PSTPIP2: variants seen among roughly 807,000 people sequenced by gnomAD.
The protein encoded by PSTPIP2 is proline-serine-threonine phosphatase interacting protein 2.
In PSTPIP2, 33 loss-of-function variants were observed where a neutral mutation model predicts 63.3. The observed-to-expected ratio is 0.52, with a 90% confidence interval of 0.40 to 0.70. The LOEUF is 0.70. Among genes scored for constraint, PSTPIP2 ranks in the 30% least tolerant of loss-of-function variants. The pLI, the probability that PSTPIP2 is intolerant of heterozygous loss-of-function variation, is 0.00. For synonymous variants in PSTPIP2, 125 were observed against 132.7 expected (o/e 0.94, Z 0.40); for missense variants, 312 against 400.7 (o/e 0.78, Z 1.89).
chr18:46,012,789 GT>G (rs1441701867), intron 4 of PSTPIP2, among the ~76,000 whole-genome samples: 1 of 152,072 alleles, frequency 6.6e-6, no homozygotes, highest in African/African-American at 2.4e-5. Flanking sequence ...GAGAGAGAGA[GT>G]TGTAAATGCA....
chr18:46,018,976 C>T (rs534535060), intron 3 of PSTPIP2, among the ~76,000 whole-genome samples: 11 of 152,134 alleles, frequency 7.2e-5, no homozygotes, highest in Non-Finnish European at 1.2e-4. Flanking sequence ...ACTCATTTTT[C>T]ATTCCTTCTC....
At chr18:46,072,043 C>A in intron 1 of PSTPIP2, 113 bp downstream of exon 1, 2 of 1,307,516 alleles carry the variant, frequency 1.5e-6, no homozygotes, top group East Asian at 3.1e-5. Context: ...AGCCCCCGGG[C>A]GCGCGGTCAC....
At chr18:46,016,472 A>G (rs1256006359) in intron 3 of PSTPIP2, among the ~76,000 whole-genome samples, 2 of 152,274 alleles carry the variant, frequency 1.3e-5, no homozygotes, top group Admixed American at 6.5e-5. Flanking sequence ...ACATTCATTT[A>G]GTCAATAATC....
In PSTPIP2 at chr18:46,049,007, CATGTGTGTGTGTGTGT is replaced by C. The variant is rs1271503279; in HGVS notation, c.34-8976_34-8961del. 4.6e-3 allele frequency among the ~76,000 whole-genome samples: 429 copies of C among 93,408 alleles called. 3 individuals carry two copies. Among genetic ancestry groups the C allele is most frequent in the African/African-American group, 0.018 (396 of 22,476 alleles). The allele number at this position is 93,408 out of a possible 152,430, so 61.3% of individuals were successfully genotyped here. The stretch of plus-strand genomic sequence containing the variant: ...ACTTTCAAATGGTTCAGAAAAAAAG[CATGTGTGTGTGTGTGT>C]GTGTGTGTGTGTGTGTGTGTGTGTG... On this transcript the variant is annotated intron_variant, in intron 1 of 14. Transcript: ENST00000409746.
chr18:46,021,848 C>CAAAAAAAAA (rs59094808), intron 3 of PSTPIP2, among the ~76,000 whole-genome samples: 8 of 33,312 alleles, frequency 2.4e-4, no homozygotes, highest in African/African-American at 7.1e-4. Flanking sequence ...GACTCTGTCT[C>CAAAAAAAAA]AAAAAAAAAA....
chr18:46,024,891 T>C (rs1290097923), intron 2 of PSTPIP2, among the ~76,000 whole-genome samples: 1 of 152,180 alleles, frequency 6.6e-6, no homozygotes, highest in Non-Finnish European at 1.5e-5. Flanking sequence ...GGTGGTCTTC[T>C]CCAGCTGGAA....
intron 3 of PSTPIP2, among the ~76,000 whole-genome samples, chr18:46,019,012 T>C (rs956191682): frequency 1.1e-4 from 17 of 152,128 alleles, no homozygotes; most frequent in African/African-American, 3.6e-4. Context: ...CTCTCCCTTA[T>C]AATCAACTCC....
At position 46,006,360 on chromosome 18, in the gene PSTPIP2, C is replaced by CTTTTTTTTTTTTTTTTTTTTTT. The variant is rs756384731; in HGVS notation, c.355-851_355-830dup. Among the ~76,000 whole-genome samples, 4 of 115,628 alleles carry CTTTTTTTTTTTTTTTTTTTTTT rather than the reference C, an allele frequency of 3.5e-5. 2 individuals are homozygous for CTTTTTTTTTTTTTTTTTTTTTT. Among genetic ancestry groups the CTTTTTTTTTTTTTTTTTTTTTT allele is most frequent in the Non-Finnish European group, 3.3e-5 (2 of 60,024 alleles). 75.9% of individuals were successfully genotyped at this position (115,628 alleles called of 152,430 possible). ...TGAGCCACCATGCCCAGCCCTGGTA[C>CTTTTTTTTTTTTTTTTTTTTTT]TTTTTTTTTTTTTTTTTTTTTTTTT... On this transcript the variant is annotated intron_variant, in intron 5 of 14. Coordinates refer to ENST00000409746, the MANE Select transcript of PSTPIP2 (RefSeq NM_024430.4).
At position 46,011,223 on chromosome 18, in the gene PSTPIP2, C is replaced by G. The variant is rs1037052019; in HGVS notation, c.312G>C (p.Lys104Asn). Residue 104 changes from lysine (K) to asparagine (N), a missense_variant, in exon 5 of 15, where the codon AAG becomes AAC. By Grantham distance (94) the Lys-to-Asn change is moderately conservative (BLOSUM62 0). Coordinates refer to ENST00000409746, the MANE Select transcript of PSTPIP2 (RefSeq NM_024430.4). Reference sequence around the variant, plus strand: ...TTTGCTTTTCCCTGAATTCTTCCATCTTCCTGGCCTCTTCTCTTAAACTCT... The same window carrying G: ...TTTGCTTTTCCCTGAATTCTTCCATGTTCCTGGCCTCTTCTCTTAAACTCT... The part of the protein sequence containing the change: ...LAQSLREEAR[K>N]MEEFREKQKL... 1 of 1,614,024 alleles carries G rather than the reference C, an allele frequency of 6.2e-7. No homozygotes were observed. The highest frequency in any genetic ancestry group is 1.7e-5 in the Admixed American group (1 of 60,014).
In PSTPIP2 at chr18:46,061,265, C is replaced by T. The variant is rs575840913; in HGVS notation, c.33+10891G>A. Among the ~76,000 whole-genome samples the T allele has an allele frequency of 9.3e-5, 14 of 150,952 alleles. No homozygotes were observed. In the South Asian group the frequency reaches 1.7e-3, roughly 18 times the overall value. ...GTTGCACTGAGCCAAGATTGCACCACTGCACTCCAGCCTGGTCAACGGAGC... is the reference window on the plus strand; with the variant it reads ...GTTGCACTGAGCCAAGATTGCACCATTGCACTCCAGCCTGGTCAACGGAGC... On this transcript the variant is annotated intron_variant, in intron 1 of 14. Transcript: ENST00000409746.
At chr18:46,011,700 G>T (rs1167013919) in intron 4 of PSTPIP2, among the ~76,000 whole-genome samples, 1 of 152,122 alleles carries the variant, frequency 6.6e-6, no homozygotes, top group Non-Finnish European at 1.5e-5. Flanking sequence ...TATAAGAAAG[G>T]TCATATGCCA....
rs58786055 is a variant in PSTPIP2, at chr18:45,985,433, C to A, written c.*26G>T. 0.16 allele frequency: 251,022 copies of A among 1,607,374 alleles called. 27,993 individuals are homozygous for A. Among genetic ancestry groups the A allele is most frequent in the African/African-American group, 0.52 (38,314 of 74,356 alleles). On this transcript the variant is annotated 3_prime_UTR_variant, in exon 15 of 15. Transcript: ENST00000409746. Reference sequence around the variant, plus strand: ...CTTTCCATATCACAGAAGCACTAGCCGGAAAAAGCTCTGGTTTCTGAAAGA... The same window carrying A: ...CTTTCCATATCACAGAAGCACTAGCAGGAAAAAGCTCTGGTTTCTGAAAGA...
chr18:46,015,984 G>C, intron 3 of PSTPIP2, 47 bp from the exon 4 acceptor site: 1 of 1,578,958 alleles, frequency 6.3e-7, no homozygotes, highest in Non-Finnish European at 8.7e-7. Context: ...GAAATTCTCT[G>C]CACAATCTTA....
chr18:46,021,893 T>G (rs1907374742), intron 3 of PSTPIP2, among the ~76,000 whole-genome samples: 1 of 149,600 alleles, frequency 6.7e-6, no homozygotes, highest in Non-Finnish European at 1.5e-5. Flanking sequence ...AAAATTTGGT[T>G]TCTAAATACG....
chr18:46,045,332 TA>T (rs1293057261), intron 1 of PSTPIP2, among the ~76,000 whole-genome samples: 16 of 152,198 alleles, frequency 1.1e-4, no homozygotes, highest in African/African-American at 3.9e-4. Context: ...TATGCTGCCA[TA>T]AAAAATGATG....
At chr18:46,044,916 C>G (rs1459854485) in intron 1 of PSTPIP2, among the ~76,000 whole-genome samples, 1 of 152,168 alleles carries the variant, frequency 6.6e-6, no homozygotes, top group Non-Finnish European at 1.5e-5. Flanking sequence ...AAATGCTCAC[C>G]ATCACTGGCC....
intron 13 of PSTPIP2, among the ~76,000 whole-genome samples, chr18:45,989,327 G>C (rs1210621984): frequency 6.6e-6 from 1 of 152,134 alleles, no homozygotes; most frequent in Non-Finnish European, 1.5e-5. Context: ...TGTTGTCCTG[G>C]TAGTGAATAA....
At chr18:45,993,882 C>T in intron 9 of PSTPIP2, 179 bp from the exon 10 acceptor site, 1 of 598,828 alleles carries the variant, frequency 1.7e-6, no homozygotes, top group South Asian at 1.9e-5. Context: ...AGAATGCAAA[C>T]AAATCCTAAT....
At chr18:45,986,291 C>T (rs1221165777) in intron 14 of PSTPIP2, among the ~76,000 whole-genome samples, 1 of 152,158 alleles carries the variant, frequency 6.6e-6, no homozygotes, top group African/African-American at 2.4e-5. Flanking sequence ...TGAACTGGCA[C>T]AGATTCCAGT....
Sources: gnomAD v4.1 joint callset for allele counts (sites outside exome capture counted in the v4.1 genomes callset) on GRCh38, gnomAD v4.1.1 for gene constraint, MANE v1.5 for transcripts, NCBI Gene and HGNC (gene_info 2026-07-23, HGNC 2026-07-21) for gene names.